Variants in SPRR5 observed in about 807,000 individuals in gnomAD.
SPRR5 encodes small proline-rich protein 5.
exon 2 of SPRR5, chr1:152,948,915 GA>G (rs1292705814): frequency 1.4e-5 from 3 of 213,348 alleles, no homozygotes; most frequent in Non-Finnish European, 2.8e-5. Context: ...GAACCCCCAG[GA>G]AAAACAGAGC....
chr1:152,947,754 C>G (rs1570932648), intron 1 of SPRR5, among the ~76,000 whole-genome samples: 1 of 152,180 alleles, frequency 6.6e-6, no homozygotes, highest in East Asian at 1.9e-4. Flanking sequence ...TTCCCACCAT[C>G]TATGCCGAGT....
exon 2 of SPRR5, chr1:152,948,859 G>C (rs1445254082): frequency 4.3e-6 from 1 of 233,950 alleles, no homozygotes; most frequent in East Asian, 7.6e-5. Flanking sequence ...CCTCAGCAGT[G>C]CCAGACGTCC....
intron 1 of SPRR5, among the ~76,000 whole-genome samples, chr1:152,947,591 G>T (rs1218379791): frequency 6.6e-6 from 1 of 152,142 alleles, no homozygotes; most frequent in African/African-American, 2.4e-5. Context: ...CAACTGGAAG[G>T]ACTGTCCTTT....
At chr1:152,948,646 C>A in exon 2 of SPRR5, 1 of 114,498 alleles carries the variant, frequency 8.7e-6, no homozygotes, top group South Asian at 4.0e-4. Flanking sequence ...CAGTGCTGCC[C>A]CCCGCCTCAA....
chr1:152,947,558 G>A (rs1169084177), intron 1 of SPRR5, among the ~76,000 whole-genome samples: 1 of 152,064 alleles, frequency 6.6e-6, no homozygotes, highest in Admixed American at 6.6e-5. Context: ...TAGTAGGAGA[G>A]GAGAGACCAG....
intron 1 of SPRR5, among the ~76,000 whole-genome samples, chr1:152,947,641 C>T (rs1334666945): frequency 1.3e-5 from 2 of 152,086 alleles, no homozygotes; most frequent in Non-Finnish European, 2.9e-5. Context: ...GAACAGACTC[C>T]CTTGGGACAG....
chr1:152,947,325 T>G (rs1231973995), intron 1 of SPRR5, 77 bp downstream of exon 1: 1 of 152,316 alleles, frequency 6.6e-6, no homozygotes, highest in Non-Finnish European at 1.5e-5. Context: ...ACTGGGCTGA[T>G]TCTCTGGGTG....
Sources: allele counts gnomAD v4.1 joint callset (sites outside exome capture counted in the v4.1 genomes callset), GRCh38; gene constraint gnomAD v4.1.1; transcripts MANE v1.5; gene names NCBI Gene and HGNC (gene_info 2026-07-23, HGNC 2026-07-21).